The following PUDP variants were observed in gnomAD, a reference collection of about 807,000 sequenced individuals.
PUDP encodes the protein pseudouridine-5'-phosphatase.
In PUDP, 8 loss-of-function variants were observed where a neutral mutation model predicts 9.4. That is an observed-to-expected ratio of 0.85 (90% CI 0.50 to 1.53). PUDP has a LOEUF of 1.53. Among genes scored for constraint, PUDP ranks in the 40% most tolerant of loss-of-function variants. The pLI is 0.00. For synonymous variants in PUDP, 99 were observed against 80.7 expected (o/e 1.23, Z -1.22); for missense variants, 188 against 189.7 (o/e 0.99, Z 0.05).
intron 3 of PUDP, among the ~76,000 whole-genome samples, chrX:6,923,142 C>A (rs778610906): frequency 9.0e-6 from 1 of 111,457 alleles, no homozygotes; most frequent in Non-Finnish European, 1.9e-5. Context: ...TCCTTGATGT[C>A]TTTTCTTTTA....
intron 3 of PUDP, among the ~76,000 whole-genome samples, chrX:6,917,061 C>T (rs1192432582): frequency 8.9e-6 from 1 of 112,046 alleles, no homozygotes; most frequent in Non-Finnish European, 1.9e-5. Flanking sequence ...GAAGACCTGC[C>T]TTAAAAATAC....
intron 3 of PUDP, among the ~76,000 whole-genome samples, chrX:6,848,628 T>G (rs927716878): frequency 1.8e-5 from 2 of 112,306 alleles, no homozygotes; most frequent in East Asian, 5.6e-4. Flanking sequence ...TGCTTCCCAG[T>G]GTCCCGGAGG....
intron 3 of PUDP, among the ~76,000 whole-genome samples, chrX:6,891,816 T>C (rs1381097016): frequency 8.9e-6 from 1 of 112,089 alleles, no homozygotes; most frequent in Admixed American, 9.5e-5. Context: ...GGTTCCTACC[T>C]TCCGCTTTCC....
intron 3 of PUDP, among the ~76,000 whole-genome samples, chrX:6,736,067 A>C (rs898158363): frequency 1.8e-5 from 2 of 110,153 alleles, no homozygotes; most frequent in Non-Finnish European, 3.8e-5. Flanking sequence ...AAGGAAAAAA[A>C]ATCTACTCCA....
intron 3 of PUDP, among the ~76,000 whole-genome samples, chrX:6,783,610 A>T (rs2070880280): frequency 8.9e-6 from 1 of 111,957 alleles, no homozygotes; most frequent in South Asian, 3.7e-4. Flanking sequence ...TGATGTTTTC[A>T]ATTTGTGAAA....
chrX:6,707,501 C>T (rs780525651), intron 1 of PUDP, among the ~76,000 whole-genome samples: 14 of 111,674 alleles, frequency 1.3e-4, no homozygotes, highest in African/African-American at 3.6e-4. Context: ...TGCAAATAGA[C>T]GGTCCCATCT....
At chrX:7,108,281 C>T (rs1240216839) in intron 1 of PUDP, among the ~76,000 whole-genome samples, 1 of 112,271 alleles carries the variant, frequency 8.9e-6, no homozygotes, top group Non-Finnish European at 1.9e-5. Flanking sequence ...TGGACTTTGC[C>T]TCTGTGCACG....
rs766286855 is a variant in PUDP at position 7,042,176 on chromosome X, CAA to C, written c.204+35042_204+35043del. Among the ~76,000 whole-genome samples, 10 of 109,780 alleles carry C rather than the reference CAA, an allele frequency of 9.1e-5. No homozygotes were observed. The South Asian group carries it at 3.6e-3, about 40-fold the overall frequency. Reference sequence around the variant, plus strand: ...CTAAAGATGTATATCTTCCTCAAGGCAAAGATTGGCTTACCTTCACAAACTGA... The same window carrying C: ...CTAAAGATGTATATCTTCCTCAAGGCAGATTGGCTTACCTTCACAAACTGA... On this transcript the variant is annotated intron_variant and NMD_transcript_variant, in intron 1 of 3. Coordinates refer to the PUDP transcript ENST00000655425.
At chrX:6,916,645 C>T (rs1399957842) in intron 3 of PUDP, among the ~76,000 whole-genome samples, 1 of 111,614 alleles carries the variant, frequency 9.0e-6, no homozygotes, top group Admixed American at 9.5e-5. Context: ...AGGTCAATAG[C>T]CACATGGTAA....
chrX:6,778,060 AC>A (rs1925495145), intron 3 of PUDP, among the ~76,000 whole-genome samples: 1 of 112,067 alleles, frequency 8.9e-6, no homozygotes, highest in African/African-American at 3.2e-5. Flanking sequence ...TTTTGAAAAG[AC>A]TATTCCGAGG....
chrX:6,756,993 T>C (rs1003749881), intron 3 of PUDP, among the ~76,000 whole-genome samples: 3 of 112,268 alleles, frequency 2.7e-5, no homozygotes, highest in African/African-American at 9.7e-5. Context: ...ACACGAAGTG[T>C]CCTCACACCA....
chrX:6,927,171 C>T (rs958722805), intron 3 of PUDP, among the ~76,000 whole-genome samples: 3 of 109,634 alleles, frequency 2.7e-5, no homozygotes, highest in East Asian at 2.9e-4. Flanking sequence ...TGAGCTCAAG[C>T]GATCCTCCCA....
intron 3 of PUDP, among the ~76,000 whole-genome samples, chrX:6,825,407 C>T (rs996495867): frequency 6.3e-5 from 7 of 111,529 alleles, no homozygotes; most frequent in African/African-American, 2.3e-4. Context: ...TCACACTGAG[C>T]TCTCTGCTCC....
intron 3 of PUDP, among the ~76,000 whole-genome samples, chrX:6,812,330 T>C (rs1174771774): frequency 8.9e-6 from 1 of 111,941 alleles, no homozygotes. Context: ...TTTTGACAAT[T>C]CTGTCAAACC....
chrX:7,012,834 C>T (rs747041364), intron 1 of PUDP, among the ~76,000 whole-genome samples: 153 of 110,772 alleles, frequency 1.4e-3, no homozygotes, highest in Non-Finnish European at 2.0e-3. Flanking sequence ...ACGTAATGTC[C>T]TCTGTTGATC....
intron 3 of PUDP, among the ~76,000 whole-genome samples, chrX:6,809,809 A>G (rs1226213543): frequency 9.0e-6 from 1 of 111,646 alleles, no homozygotes; most frequent in Non-Finnish European, 1.9e-5. Flanking sequence ...GCAAAAGAAG[A>G]CATCATGAGA....
chrX:7,055,488 T>C (rs1166447246), intron 3 of PUDP, among the ~76,000 whole-genome samples: 1 of 111,258 alleles, frequency 9.0e-6, no homozygotes, highest in Non-Finnish European at 1.9e-5. Context: ...ACTCTTGACC[T>C]CAACTGATCC....
chrX:6,725,048 T>C (rs761234893), upstream of PUDP, among the ~76,000 whole-genome samples: 7 of 111,778 alleles, frequency 6.3e-5, no homozygotes, highest in Non-Finnish European at 1.3e-4. Flanking sequence ...CTGTAAACGC[T>C]TCCTCTTGGG....
chrX:6,712,487 C>T (rs1274723511), intron 1 of PUDP, among the ~76,000 whole-genome samples: 2 of 112,144 alleles, frequency 1.8e-5, no homozygotes, highest in African/African-American at 3.2e-5. Flanking sequence ...GGAAACAGTG[C>T]TTTGGAATAT....
Sources: allele counts gnomAD v4.1 joint callset (sites outside exome capture counted in the v4.1 genomes callset), GRCh38; gene constraint gnomAD v4.1.1; transcripts MANE v1.5; gene names NCBI Gene and HGNC (gene_info 2026-07-23, HGNC 2026-07-21).